The following RNF19A variants were observed in gnomAD, a reference collection of about 807,000 sequenced individuals.
The protein encoded by RNF19A is E3 ubiquitin-protein ligase RNF19A.
Under a neutral mutation model 75.7 loss-of-function variants are expected in RNF19A, and 32 were observed. The observed-to-expected ratio is 0.42, with a 90% CI of 0.32 to 0.57. RNF19A has a LOEUF of 0.57. RNF19A is among the 20% of genes least tolerant of loss of function. The pLI, the probability that RNF19A is intolerant of heterozygous loss-of-function variation, is 0.10. For synonymous variants in RNF19A, 335 were observed against 345.2 expected (o/e 0.97, Z 0.33); for missense variants, 782 against 1,036.3 (o/e 0.75, Z 3.37).
upstream of RNF19A, chr8:100,310,263 A>G (rs559478441): frequency 5.9e-4 from 581 of 984,330 alleles, 2 homozygotes; most frequent in African/African-American, 9.0e-3. Context: ...TCCCTTGCGC[A>G]CGTTCGTTCC....
chr8:100,282,613 C>T (rs1326184846), intron 2 of RNF19A, among the ~76,000 whole-genome samples: 43 of 151,972 alleles, frequency 2.8e-4, no homozygotes, highest in Admixed American at 2.8e-3. Context: ...GCTCTTTATA[C>T]CCTAAATCTG....
intron 1 of RNF19A, among the ~76,000 whole-genome samples, chr8:100,297,780 A>G (rs1821638545): frequency 6.6e-6 from 1 of 152,248 alleles, no homozygotes; most frequent in South Asian, 2.1e-4. Context: ...TGTTACAGAT[A>G]CAATTATCTA....
chr8:100,275,200 A>C lies in RNF19A; in HGVS notation c.675-39T>G. 1 of 1,557,194 alleles carries C rather than the reference A, an allele frequency of 6.4e-7. No homozygotes were observed. ...GAAAAATGATTTAAAATGTGACATA[A>C]AACAAGAGATACTCATTTCAAAAAG... On this transcript the variant is annotated intron_variant, in intron 2 of 9. Transcript: ENST00000341084. The surrounding 1 kb of genome is among the most constrained non-coding windows in gnomAD (Gnocchi z 4.3).
Position 100,261,851 on chromosome 8 carries a change from G to A in RNF19A, c.1469-96C>T. 8.0e-7 allele frequency: 1 copy of A among 1,247,168 alleles called. No homozygotes were observed. The highest frequency in any genetic ancestry group is 2.3e-5 in the East Asian group (1 of 42,760). 77.3% of individuals were successfully genotyped at this position (1,247,168 alleles called of 1,614,324 possible). On this transcript the variant is annotated intron_variant, in intron 7 of 9. Transcript: ENST00000341084. The surrounding 1 kb of genome is among the most constrained non-coding windows in gnomAD (Gnocchi z 4.4). ...GATTTCAGAGAGGACATTATATAAG[G>A]TATAAAATATACGCAGACATGGAAA...
At chr8:100,283,965 T>C (rs1820901197) in intron 2 of RNF19A, among the ~76,000 whole-genome samples, 1 of 152,160 alleles carries the variant, frequency 6.6e-6, no homozygotes, top group South Asian at 2.1e-4. Context: ...CGGTCCTCTG[T>C]GTGTTTCAAA....
rs535329524 is a variant in RNF19A, at chr8:100,317,095, C to T, written c.-242-3723G>A. On this transcript the variant is annotated intron_variant, in intron 1 of 3. Coordinates refer to the RNF19A transcript ENST00000519527. The surrounding 1 kb of genome is among the most constrained non-coding windows in gnomAD (Gnocchi z 4.3). Reference sequence around the variant, plus strand: ...GCGGGGCCTGCCAAGCCCACGCCCACGCCCACCCGGAACTCCAGCTGGCCC... The same window carrying T: ...GCGGGGCCTGCCAAGCCCACGCCCATGCCCACCCGGAACTCCAGCTGGCCC... Among the ~76,000 whole-genome samples the T allele has an allele frequency of 2.0e-4, 31 of 152,350 alleles. No homozygotes were observed. The highest frequency in any genetic ancestry group is 6.3e-4 in the African/African-American group (26 of 41,586).
chr8:100,266,451 C>T (rs1819981004), intron 5 of RNF19A, among the ~76,000 whole-genome samples: 1 of 152,092 alleles, frequency 6.6e-6, no homozygotes. Flanking sequence ...TTCAGCAAAG[C>T]CTTGCTTTGA....
intron 1 of RNF19A, among the ~76,000 whole-genome samples, chr8:100,318,006 C>T (rs2130331550): frequency 6.6e-6 from 1 of 152,254 alleles, no homozygotes; most frequent in South Asian, 2.1e-4. Flanking sequence ...CCTCTCCAGC[C>T]CCTGACCCCA....
At chr8:100,268,540 T>A in intron 5 of RNF19A, 1 of 309,824 alleles carries the variant, frequency 3.2e-6, no homozygotes, top group Non-Finnish European at 5.9e-6. Context: ...AGTTTTATAA[T>A]ACAAACATAC....
chr8:100,286,630 A>T (rs983618140), intron 2 of RNF19A, among the ~76,000 whole-genome samples: 3 of 152,182 alleles, frequency 2.0e-5, no homozygotes, highest in African/African-American at 7.2e-5. Flanking sequence ...TGATTCAGGT[A>T]ATGAGTCTTG....
intron 2 of RNF19A, among the ~76,000 whole-genome samples, chr8:100,277,502 C>T (rs757859751): frequency 2.0e-5 from 3 of 152,088 alleles, no homozygotes; most frequent in Non-Finnish European, 4.4e-5. Context: ...TTAGTAGAGA[C>T]GGGGTTTCAC....
At position 100,317,310 on chromosome 8, in the gene RNF19A, G is replaced by C. The variant is rs2130327452; in HGVS notation, c.-242-3938C>G. ...CAGGCAGAGGAGGTGCCGAGAGCAA[G>C]CGAGGGCTCTGAGGACTGCCAGCAC... On this transcript the variant is annotated intron_variant, in intron 1 of 3. Coordinates refer to the RNF19A transcript ENST00000519527. The surrounding 1 kb of genome is among the most constrained non-coding windows in gnomAD (Gnocchi z 4.3). Among the ~76,000 whole-genome samples the C allele has an allele frequency of 6.6e-6, 1 of 152,342 alleles. No homozygotes were observed. Among genetic ancestry groups the C allele is most frequent in the East Asian group, 1.9e-4 (1 of 5,186 alleles).
rs374694444 is a variant in RNF19A, at chr8:100,325,592, C to A, written c.-243+10516G>T. On this transcript the variant is annotated intron_variant, in intron 1 of 3. Coordinates refer to the RNF19A transcript ENST00000519527. This position sits in a 1 kb window ranked among gnomAD's most constrained non-coding sequence, Gnocchi z 4.3. The stretch of plus-strand genomic sequence containing the variant: ...GCAGCACCACACCTCTAGCCTACGC[C>A]CTGGGTCCTCAAGCCCAGCCTATAT... Among the ~76,000 whole-genome samples, 1 of 152,152 alleles carries A rather than the reference C, an allele frequency of 6.6e-6. No individual in the cohort carries two copies. The highest frequency in any genetic ancestry group is 1.5e-5 in the Non-Finnish European group (1 of 68,040).
At chr8:100,310,357 C>T, upstream of RNF19A, 1 of 593,450 alleles carries the variant, frequency 1.7e-6, no homozygotes. Context: ...GGGACTTCGC[C>T]TCGAGCGCGC....
chr8:100,283,028 G>A (rs1820853403), intron 2 of RNF19A, among the ~76,000 whole-genome samples: 1 of 152,146 alleles, frequency 6.6e-6, no homozygotes, highest in African/African-American at 2.4e-5. Flanking sequence ...ATTTTTTATT[G>A]AGCATGAGGT....
intron 2 of RNF19A, among the ~76,000 whole-genome samples, chr8:100,285,187 G>T (rs1820959341): frequency 6.6e-6 from 1 of 152,098 alleles, no homozygotes; most frequent in Non-Finnish European, 1.5e-5. Flanking sequence ...TAGAATAAAT[G>T]TGTGTTCAAT....
Position 100,329,809 on chromosome 8 carries a change from G to A in RNF19A, c.-243+6299C>T, listed in dbSNP as rs1822586768. On this transcript the variant is annotated intron_variant, in intron 1 of 3. Transcript: ENST00000519527. This position sits in a 1 kb window ranked among gnomAD's most constrained non-coding sequence, Gnocchi z 4.3. Reference sequence around the variant, plus strand: ...TTTGTTAATCCAGAGGGCAAACTGAGTACTAGATTTCAGCTCAATGAAAAG... The same window carrying A: ...TTTGTTAATCCAGAGGGCAAACTGAATACTAGATTTCAGCTCAATGAAAAG... 6.6e-6 allele frequency among the ~76,000 whole-genome samples: 1 copy of A among 152,164 alleles called. No individual in the cohort carries two copies. Among genetic ancestry groups the A allele is most frequent in the Non-Finnish European group, 1.5e-5 (1 of 68,038 alleles).
At chr8:100,309,831 T>C in intron 1 of RNF19A, 36 bp downstream of exon 1, 2 of 985,550 alleles carry the variant, frequency 2.0e-6, no homozygotes, top group African/African-American at 3.5e-5. Context: ...TCTCTCCCGC[T>C]CCGGGGCGCA....
chr8:100,262,959 T>C (rs902454562), intron 7 of RNF19A, among the ~76,000 whole-genome samples: 3 of 152,148 alleles, frequency 2.0e-5, no homozygotes, highest in Middle Eastern at 6.3e-3. Flanking sequence ...ATGGAGAAGC[T>C]ACTTATTGAG....
Sources: allele counts gnomAD v4.1 joint callset (sites outside exome capture counted in the v4.1 genomes callset), GRCh38; gene constraint gnomAD v4.1.1; non-coding constraint Gnocchi (gnomAD v3.1); transcripts MANE v1.5; gene names NCBI Gene and HGNC (gene_info 2026-07-23, HGNC 2026-07-21).